The following TMEM132D variants were observed in gnomAD, a reference collection of about 807,000 sequenced individuals.
TMEM132D encodes the protein mature OL transmembrane protein.
In TMEM132D, 21 loss-of-function variants were observed where a neutral mutation model predicts 62.3. The ratio of observed to expected loss-of-function variants is 0.34; its 90% CI spans 0.24 to 0.49. The LOEUF (loss-of-function observed/expected upper bound fraction) is 0.49. Ranked by LOEUF, TMEM132D falls within the 20% of genes least tolerant of loss-of-function variation. The pLI is 0.99. For missense variants in TMEM132D, 1,346 were observed against 1,402.8 expected, an observed-to-expected ratio of 0.96 and a Z score of 0.65; for synonymous variants, 621 against 575.6, an observed-to-expected ratio of 1.08 and a Z score of -1.13.
chr12:129,782,736 T>A (rs534737734), intron 1 of TMEM132D, among the ~76,000 whole-genome samples: 13 of 152,190 alleles, frequency 8.5e-5, no homozygotes, highest in African/African-American at 2.7e-4. Flanking sequence ...CACACAGGTG[T>A]ATTCCTGATA....
chr12:129,168,683 G>T (rs535249285), intron 5 of TMEM132D, among the ~76,000 whole-genome samples: 1 of 152,118 alleles, frequency 6.6e-6, no homozygotes, highest in South Asian at 2.1e-4. Flanking sequence ...TCTATGTTTC[G>T]TGGGGCTGTC....
intron 5 of TMEM132D, among the ~76,000 whole-genome samples, chr12:129,107,489 A>C (rs954958974): frequency 6.6e-6 from 1 of 152,250 alleles, no homozygotes; most frequent in Non-Finnish European, 1.5e-5. Context: ...GATTGAATGC[A>C]GGTTGACACT....
At chr12:129,235,355 A>T (rs1879751537) in intron 4 of TMEM132D, among the ~76,000 whole-genome samples, 1 of 151,926 alleles carries the variant, frequency 6.6e-6, no homozygotes. Flanking sequence ...AACAAAGTTC[A>T]TTCACACTCT....
chr12:129,801,208 C>A (rs1871768143), intron 1 of TMEM132D, among the ~76,000 whole-genome samples: 1 of 152,196 alleles, frequency 6.6e-6, no homozygotes, highest in African/African-American at 2.4e-5. Context: ...TGGGTGGAGC[C>A]CACCACAGCT....
chr12:129,290,634 T>C (rs544089166), intron 4 of TMEM132D, among the ~76,000 whole-genome samples: 1 of 152,238 alleles, frequency 6.6e-6, no homozygotes, highest in African/African-American at 2.4e-5. Context: ...TAGAAGAATA[T>C]ACAGTTTGAA....
intron 2 of TMEM132D, among the ~76,000 whole-genome samples, chr12:129,536,602 C>T (rs899553639): frequency 6.6e-6 from 1 of 152,190 alleles, no homozygotes; most frequent in Non-Finnish European, 1.5e-5. Flanking sequence ...TGGCCCTGCC[C>T]TCGCCAGCAG....
chr12:129,610,124 A>T (rs567899411), intron 2 of TMEM132D, among the ~76,000 whole-genome samples: 1 of 152,224 alleles, frequency 6.6e-6, no homozygotes, highest in South Asian at 2.1e-4. Flanking sequence ...TACAAAACTT[A>T]GCTGGGTGTG....
intron 3 of TMEM132D, among the ~76,000 whole-genome samples, chr12:129,435,151 CT>C (rs1872755823): frequency 6.6e-6 from 1 of 152,042 alleles, no homozygotes; most frequent in Admixed American, 6.6e-5. Context: ...GGATTTTATT[CT>C]TTTTTAATGG....
intron 3 of TMEM132D, among the ~76,000 whole-genome samples, chr12:129,382,797 G>A (rs61100147): frequency 0.4 from 61,397 of 151,908 alleles, 12,631 homozygotes; most frequent in Middle Eastern, 0.48. Context: ...ATTGCACTGA[G>A]AGCCATATAC....
At chr12:129,533,753 G>A (rs1437230337) in intron 2 of TMEM132D, among the ~76,000 whole-genome samples, 1 of 152,140 alleles carries the variant, frequency 6.6e-6, no homozygotes, top group Non-Finnish European at 1.5e-5. Context: ...CATTATTTCT[G>A]CAAAAATGTT....
At position 129,081,843 on chromosome 12, in the gene TMEM132D, G is replaced by T. The variant is rs1593253416; in HGVS notation, c.1839C>A (p.Phe613Leu). 2 of 1,613,750 alleles carry T rather than the reference G, an allele frequency of 1.2e-6. No individual in the cohort carries two copies. The highest frequency in any genetic ancestry group is 8.5e-7 in the Non-Finnish European group (1 of 1,179,974). Reference protein sequence around the residue: ...QVDITELINDFMQVEEPRIAK... With the variant: ...QVDITELINDLMQVEEPRIAK... ...CGATCCTGGGCTCCTCCACCTGCAT[G>T]AAGTCATTTATCAGCTCCGTGATGT... Residue 613 changes from phenylalanine to leucine, a missense_variant, in exon 7 of 9, where the codon TTC (phenylalanine) becomes TTA (leucine). Physicochemically the swap from Phe to Leu is conservative, Grantham distance 22. Coordinates refer to ENST00000422113, the MANE Select transcript of TMEM132D (RefSeq NM_133448.3).
chr12:129,188,762 GGA>G (rs569138938), intron 5 of TMEM132D, among the ~76,000 whole-genome samples: 3,348 of 126,152 alleles, frequency 0.027, 31 homozygotes, highest in African/African-American at 0.052. Context: ...AGGGAGAGAG[GGA>G]GAGAGAGAGA....
At chr12:129,829,743 C>A (rs551804746) in intron 1 of TMEM132D, among the ~76,000 whole-genome samples, 1 of 152,148 alleles carries the variant, frequency 6.6e-6, no homozygotes, top group Non-Finnish European at 1.5e-5. Context: ...GAAGCATCAA[C>A]CTTGTTCCTG....
intron 2 of TMEM132D, among the ~76,000 whole-genome samples, chr12:129,638,555 A>AT (rs1879550689): frequency 2.2e-5 from 1 of 44,618 alleles, no homozygotes; most frequent in African/African-American, 7.5e-5. Flanking sequence ...AAACATATAT[A>AT]AATATATAAA....
At chr12:129,775,911 T>A (rs938123579) in intron 1 of TMEM132D, among the ~76,000 whole-genome samples, 17 of 152,110 alleles carry the variant, frequency 1.1e-4, no homozygotes, top group African/African-American at 4.1e-4. Context: ...AATAAGGAAT[T>A]TTATATACCA....
rs1270976687 is a variant in TMEM132D, at chr12:129,130,454, G to A, written c.1444-45752C>T. On this transcript the variant is annotated intron_variant, in intron 5 of 8. Coordinates refer to ENST00000422113, the MANE Select transcript of TMEM132D (RefSeq NM_133448.3). The stretch of plus-strand genomic sequence containing the variant: ...CCTTCTGCTGTGGAGGAACCCAAGC[G>A]CACTCTGGAATGAATGCCCTAGTGC... Among the ~76,000 whole-genome samples the A allele has an allele frequency of 5.3e-5, 8 of 152,244 alleles. No individual in the cohort carries two copies. In the South Asian group the frequency reaches 6.2e-4, roughly 12 times the overall value.
In TMEM132D at chr12:129,102,087, G is replaced by A. The variant is rs77692741; in HGVS notation, c.1444-17385C>T. 4.3e-3 allele frequency among the ~76,000 whole-genome samples: 649 copies of A among 151,504 alleles called. 4 individuals are homozygous for A. The highest frequency in any genetic ancestry group is 0.015 in the African/African-American group (628 of 41,374). The stretch of plus-strand genomic sequence containing the variant: ...GACACTTGGGGAGTGAGATGGAGAA[G>A]GTGGCAGAGATGACCCTTGCCTGGG... On this transcript the variant is annotated intron_variant, in intron 5 of 8. Coordinates refer to ENST00000422113, the MANE Select transcript of TMEM132D (RefSeq NM_133448.3).
intron 1 of TMEM132D, among the ~76,000 whole-genome samples, chr12:129,710,002 T>C (rs1253367638): frequency 6.6e-6 from 1 of 152,186 alleles, no homozygotes. Context: ...TGACCAGCCC[T>C]AGCAAATGAA....
chr12:129,465,534 A>G (rs1873859548), intron 3 of TMEM132D, among the ~76,000 whole-genome samples: 1 of 152,230 alleles, frequency 6.6e-6, no homozygotes, highest in African/African-American at 2.4e-5. Context: ...ACATGATTGT[A>G]TATCAGAAAA....
Sources: gnomAD v4.1 joint callset for allele counts (sites outside exome capture counted in the v4.1 genomes callset) on GRCh38, gnomAD v4.1.1 for gene constraint, MANE v1.5 for transcripts, NCBI Gene and HGNC (gene_info 2026-07-23, HGNC 2026-07-21) for gene names.